TXNDC11: variants seen among roughly 807,000 people sequenced by gnomAD.
TXNDC11 encodes thioredoxin domain-containing protein 11.
Under a neutral mutation model 78.0 loss-of-function variants are expected in TXNDC11, and 68 were observed. That is an observed-to-expected ratio of 0.87 (90% CI 0.72 to 1.07). TXNDC11 has a LOEUF of 1.07. Ranked by LOEUF, TXNDC11 falls within the 50% of genes least tolerant of loss-of-function variation. TXNDC11 has a pLI of 0.00. For synonymous variants in TXNDC11, 571 were observed against 495.2 expected, an observed-to-expected ratio of 1.15 and a Z score of -2.03; for missense variants, 1,389 against 1,221.8, an observed-to-expected ratio of 1.14 and a Z score of -2.04.
intron 11 of TXNDC11, 123 bp downstream of exon 11, chr16:11,684,042 C>A (rs556703896): frequency 1.5e-6 from 1 of 655,492 alleles, no homozygotes; most frequent in African/African-American, 1.8e-5. Flanking sequence ...TGAGCCACCA[C>A]GCCTGGTTCC....
intron 4 of TXNDC11, among the ~76,000 whole-genome samples, chr16:11,725,615 C>T (rs2051854311): frequency 6.6e-6 from 1 of 152,186 alleles, no homozygotes; most frequent in Non-Finnish European, 1.5e-5. Flanking sequence ...TGTACCTTAG[C>T]TTCTTAATCT....
At chr16:11,688,009 G>T in intron 9 of TXNDC11, 43 bp from the exon 10 acceptor site, 1 of 1,409,416 alleles carries the variant, frequency 7.1e-7, no homozygotes, top group Non-Finnish European at 1.0e-6. Context: ...CCGGGAAATG[G>T]GCTCTTCTTC....
rs1247792442 is a variant in TXNDC11, at chr16:11,698,300, TA to T, written c.931del (p.Tyr311ThrfsTer11). On this transcript the variant is annotated frameshift_variant, in exon 7 of 12. Transcript: ENST00000283033. LOFTEE classifies it high-confidence loss of function. Reference protein sequence around the residue: ...SLVFPREVLNYTAENICKWAL... With the variant: ...SLVFPREVLNXTAENICKWAL... ...CCACTTACAGATGTTCTCAGCTGTG[TA>T]GTTCAGGACCTCCCTGGGGAAGACC... The T allele has an allele frequency of 6.2e-7, 1 of 1,613,638 alleles. No individual in the cohort carries two copies. Among genetic ancestry groups the T allele is most frequent in the Non-Finnish European group, 8.5e-7 (1 of 1,180,030 alleles).
At chr16:11,693,414 C>T (rs2050773908) in intron 7 of TXNDC11, among the ~76,000 whole-genome samples, 1 of 152,152 alleles carries the variant, frequency 6.6e-6, no homozygotes, top group South Asian at 2.1e-4. Flanking sequence ...TCAAATCTCA[C>T]CACAGTTAGT....
In TXNDC11 at chr16:11,691,411, A is replaced by G. The variant is rs2050710153; in HGVS notation, c.1779T>C (p.Tyr593=). 6.2e-7 allele frequency: 1 copy of G among 1,614,258 alleles called. No homozygotes were observed. Among genetic ancestry groups the G allele is most frequent in the Middle Eastern group, 1.6e-4 (1 of 6,062 alleles). ...AGCTCGGAGCACCCAGTCTCTCTGC[A>G]TATAACCAAAACAAATTTGAATCCA... The part of the protein sequence containing the change: ...YLLDSNLFWL[Y]AERLGAPSST... The change falls in exon 8 of 12, where the codon TAT becomes TAC. Residue 593 remains tyrosine, a synonymous_variant. Transcript: ENST00000283033.
At chr16:11,713,993 T>C (rs1429645611) in intron 5 of TXNDC11, among the ~76,000 whole-genome samples, 2 of 152,156 alleles carry the variant, frequency 1.3e-5, no homozygotes, top group Non-Finnish European at 2.9e-5. Flanking sequence ...TCCCTTGTTT[T>C]TTCAATGCCT....
In TXNDC11 at chr16:11,711,140, T is replaced by C. The variant is rs190863353; in HGVS notation, c.793+10437A>G. 2.8e-3 allele frequency among the ~76,000 whole-genome samples: 427 copies of C among 151,936 alleles called. 3 individuals are homozygous for C. Among genetic ancestry groups the C allele is most frequent in the African/African-American group, 9.8e-3 (405 of 41,464 alleles). ...GGGAAAAACATTACATTTAAAGCAG[T>C]ATCACAGGCAAAGCCAAGAGGGAAT... On this transcript the variant is annotated intron_variant, in intron 5 of 11. Coordinates refer to ENST00000283033, the MANE Select transcript of TXNDC11 (RefSeq NM_015914.7).
chr16:11,742,688 C>T lies in TXNDC11; in HGVS notation c.43G>A (p.Glu15Lys), dbSNP rs999683451. Reference protein sequence around the residue: ...GGRGGGSSSSEDAEDEGGGGG... With the variant: ...GGRGGGSSSSKDAEDEGGGGG... ...CCCCCTCCCTCGTCCTCGGCGTCCT[C>T]GCTGCTGCTGCTGCCGCCGCCGCGG... The change falls in exon 1 of 12, where the codon GAG (glutamate) becomes AAG (lysine). Residue 15 changes from glutamate to lysine, a missense_variant. Physicochemically the swap from Glu to Lys is moderately conservative, Grantham distance 56. Transcript: ENST00000283033. The T allele has an allele frequency of 6.8e-6, 10 of 1,477,850 alleles. No individual in the cohort carries two copies. In the Admixed American group the frequency reaches 1.7e-4, roughly 25 times the overall value. 91.5% of individuals were successfully genotyped at this position (1,477,850 alleles called of 1,614,324 possible).
intron 1 of TXNDC11, among the ~76,000 whole-genome samples, chr16:11,737,592 G>A (rs1011496062): frequency 6.6e-6 from 1 of 151,724 alleles, no homozygotes; most frequent in Non-Finnish European, 1.5e-5. Flanking sequence ...GGCCGGGCGC[G>A]GTGGCTCATG....
intron 10 of TXNDC11, among the ~76,000 whole-genome samples, chr16:11,684,908 G>A (rs916941748): frequency 4.6e-5 from 7 of 152,202 alleles, no homozygotes; most frequent in East Asian, 1.9e-4. Context: ...TCCTCCTTGC[G>A]GAGGGGCTAT....
chr16:11,734,041 C>T lies in TXNDC11; in HGVS notation c.510G>A (p.Gly170=), dbSNP rs754429263. The change falls in exon 3 of 12, where the codon GGG becomes GGA. Residue 170 remains glycine (G), a synonymous_variant. Coordinates refer to ENST00000283033, the MANE Select transcript of TXNDC11 (RefSeq NM_015914.7). The part of the protein sequence containing the change: ...FVAINCWWNQ[G]KCRKQKHFFY... ...AGAAGTGTTTCTGTTTTCTGCATTT[C>T]CCCTGGTTCCACCAACAGTTAATTG... is the stretch of plus-strand genomic sequence containing the variant. 1.9e-6 allele frequency: 3 copies of T among 1,603,944 alleles called. No homozygotes were observed. The South Asian group carries it at 3.4e-5, about 18-fold the overall frequency.
chr16:11,684,352 A>C (rs1054970982), intron 10 of TXNDC11, 107 bp from the exon 11 acceptor site: 2 of 745,890 alleles, frequency 2.7e-6, no homozygotes, highest in Middle Eastern at 2.5e-4. Flanking sequence ...TTTACACCCC[A>C]CATTGGGCTA....
At chr16:11,720,817 C>T (rs577363927) in intron 5 of TXNDC11, among the ~76,000 whole-genome samples, 42 of 151,956 alleles carry the variant, frequency 2.8e-4, no homozygotes, top group African/African-American at 7.2e-4. Flanking sequence ...TCTCGGTTTA[C>T]TGCAACCTCT....
Position 11,700,508 on chromosome 16 carries a change from C to G in TXNDC11, c.850G>C (p.Val284Leu), listed in dbSNP as rs1323818485. ...VITNKHLAKLVSLVHSGSVYL... is the reference protein window; with the variant it reads ...VITNKHLAKLLSLVHSGSVYL... ...ACACTTCCAGAGTGTACTAAGGATACCAGTTTCGCAAGATGTTTATTTGTG... is the reference window on the plus strand; with the variant it reads ...ACACTTCCAGAGTGTACTAAGGATAGCAGTTTCGCAAGATGTTTATTTGTG... Residue 284 changes from valine (V) to leucine (L), a missense_variant, in exon 6 of 12, where the codon GTA (valine) becomes CTA (leucine). Transcript: ENST00000283033. 1 of 1,607,014 alleles carries G rather than the reference C, an allele frequency of 6.2e-7. No homozygotes were observed. The highest frequency in any genetic ancestry group is 1.1e-5 in the South Asian group (1 of 90,708).
At chr16:11,740,085 C>G (rs2052347529) in intron 1 of TXNDC11, among the ~76,000 whole-genome samples, 1 of 150,542 alleles carries the variant, frequency 6.6e-6, no homozygotes. Flanking sequence ...CCCAGCTACT[C>G]AGGAGGCTGA....
chr16:11,691,960 T>C lies in TXNDC11; in HGVS notation c.1230A>G (p.Ala410=), dbSNP rs1196119487. Residue 410 remains alanine, a synonymous_variant, in exon 8 of 12, where the codon GCA becomes GCG. Transcript: ENST00000283033. ...VLESLALEVP[A]QLPDPPTITA... is the part of the protein sequence containing the mutation. The stretch of plus-strand genomic sequence containing the variant: ...TGATCGTTGGCGGGTCTGGCAGCTG[T>C]GCCGGCACTTCCAGGGCCAGGGACT... 1 of 1,609,634 alleles carries C rather than the reference T, an allele frequency of 6.2e-7. No individual in the cohort carries two copies.
At chr16:11,706,965 T>G (rs1037671371) in intron 5 of TXNDC11, among the ~76,000 whole-genome samples, 2 of 152,114 alleles carry the variant, frequency 1.3e-5, no homozygotes, top group African/African-American at 4.8e-5. Context: ...CCCACCTATA[T>G]GGAGAGCCAA....
intron 5 of TXNDC11, among the ~76,000 whole-genome samples, chr16:11,720,451 T>C (rs2141085835): frequency 6.7e-6 from 1 of 150,178 alleles, no homozygotes; most frequent in Admixed American, 6.6e-5. Context: ...AGTCTCGCTC[T>C]GTCACCCAGG....
Position 11,699,276 on chromosome 16 carries a change from TCCTA to T in TXNDC11, c.907-955_907-952del, listed in dbSNP as rs1331804389. 5.3e-5 allele frequency among the ~76,000 whole-genome samples: 8 copies of T among 152,362 alleles called. No individual in the cohort carries two copies. In the East Asian group the frequency reaches 9.6e-4, roughly 18 times the overall value. On this transcript the variant is annotated intron_variant, in intron 6 of 11. Coordinates refer to ENST00000283033, the MANE Select transcript of TXNDC11 (RefSeq NM_015914.7). ...CCTGATATATTTTTCCATCTCATAGTCCTACCTTTCTTTCCCCATCTACTTTTAA... is the reference window on the plus strand; with the variant it reads ...CCTGATATATTTTTCCATCTCATAGTCCTTTCTTTCCCCATCTACTTTTAA...
Sources: allele counts gnomAD v4.1 joint callset (sites outside exome capture counted in the v4.1 genomes callset), GRCh38; gene constraint gnomAD v4.1.1; transcripts MANE v1.5; gene names NCBI Gene and HGNC (gene_info 2026-07-23, HGNC 2026-07-21).